FRMD4B: variants seen among roughly 807,000 people sequenced by gnomAD.
FRMD4B encodes FERM domain containing 4B.
In FRMD4B, 74 loss-of-function variants were observed where a neutral mutation model predicts 141.5. That is an observed-to-expected ratio of 0.52 (90% CI 0.43 to 0.63). FRMD4B has a LOEUF of 0.63. FRMD4B is among the 30% of genes least tolerant of loss of function. The pLI, the probability that FRMD4B is intolerant of heterozygous loss-of-function variation, is 0.00. For missense variants in FRMD4B, 1,366 were observed against 1,253.4 expected, an observed-to-expected ratio of 1.09 and a Z score of -1.36; for synonymous variants, 506 against 467.9, an observed-to-expected ratio of 1.08 and a Z score of -1.05.
intron 7 of FRMD4B, among the ~76,000 whole-genome samples, chr3:69,242,948 C>G (rs373619904): frequency 1.2e-4 from 17 of 147,366 alleles, no homozygotes; most frequent in Non-Finnish European, 2.4e-4. Flanking sequence ...GAGCCGAGAT[C>G]GCACTACTGC....
chr3:69,208,959 C>T (rs113039134), intron 11 of FRMD4B, among the ~76,000 whole-genome samples: 32 of 152,204 alleles, frequency 2.1e-4, no homozygotes, highest in African/African-American at 6.7e-4. Flanking sequence ...GCCTGGCCAA[C>T]GTGGTGAAAC....
At chr3:69,505,154 G>A (rs1706575164) in intron 1 of FRMD4B, among the ~76,000 whole-genome samples, 1 of 152,086 alleles carries the variant, frequency 6.6e-6, no homozygotes, top group Non-Finnish European at 1.5e-5. Context: ...AGGATTGCTT[G>A]AGGCCTGGAG....
intron 1 of FRMD4B, among the ~76,000 whole-genome samples, chr3:69,461,210 G>C (rs564837958): frequency 6.6e-6 from 1 of 152,158 alleles, no homozygotes; most frequent in East Asian, 1.9e-4. Context: ...ATCTCTTTTA[G>C]GCAATAAAGC....
At chr3:69,402,362 T>G (rs1704577532) in intron 2 of FRMD4B, among the ~76,000 whole-genome samples, 1 of 152,222 alleles carries the variant, frequency 6.6e-6, no homozygotes, top group African/African-American at 2.4e-5. Flanking sequence ...GATGAGAAAC[T>G]GGAGCCTTCA....
chr3:69,210,045 G>A (rs2093060466), intron 11 of FRMD4B, among the ~76,000 whole-genome samples: 1 of 152,156 alleles, frequency 6.6e-6, no homozygotes, highest in Non-Finnish European at 1.5e-5. Context: ...TAATTCATTT[G>A]GCTTTAGGGA....
At chr3:69,473,592 A>G (rs1011892982) in intron 1 of FRMD4B, among the ~76,000 whole-genome samples, 2 of 152,068 alleles carry the variant, frequency 1.3e-5, no homozygotes, top group Admixed American at 1.3e-4. Flanking sequence ...TAATCATCCA[A>G]GTATATATAC....
intron 5 of FRMD4B, among the ~76,000 whole-genome samples, chr3:69,281,991 C>T (rs149170792): frequency 8.4e-4 from 128 of 152,052 alleles, no homozygotes; most frequent in African/African-American, 2.8e-3. Context: ...TTCTCTATGC[C>T]GTATGGGCAA....
intron 1 of FRMD4B, among the ~76,000 whole-genome samples, chr3:69,330,751 C>T (rs749034597): frequency 2.0e-5 from 3 of 152,100 alleles, no homozygotes; most frequent in African/African-American, 4.8e-5. Context: ...CCTGTCTCAG[C>T]CTCCCAAAGT....
chr3:69,378,619 G>A (rs1247517640), intron 1 of FRMD4B, among the ~76,000 whole-genome samples: 1 of 152,062 alleles, frequency 6.6e-6, no homozygotes, highest in Non-Finnish European at 1.5e-5. Context: ...TTGCCTTACT[G>A]CTTCCCTATG....
chr3:69,381,427 T>C (rs926111055), intron 1 of FRMD4B, among the ~76,000 whole-genome samples: 1 of 152,202 alleles, frequency 6.6e-6, no homozygotes, highest in African/African-American at 2.4e-5. Flanking sequence ...AATGGATACC[T>C]CCCTTCCCAC....
At chr3:69,318,658 G>T (rs779610904) in intron 1 of FRMD4B, among the ~76,000 whole-genome samples, 2 of 152,202 alleles carry the variant, frequency 1.3e-5, no homozygotes, top group African/African-American at 4.8e-5. Flanking sequence ...CAACAGAAAG[G>T]CCTGCCCTTG....
intron 1 of FRMD4B, among the ~76,000 whole-genome samples, chr3:69,496,390 G>T (rs924271880): frequency 6.6e-6 from 1 of 152,076 alleles, no homozygotes; most frequent in Non-Finnish European, 1.5e-5. Flanking sequence ...TCAAAACACT[G>T]AACCCTCTGG....
intron 1 of FRMD4B, among the ~76,000 whole-genome samples, chr3:69,495,668 C>T (rs546642708): frequency 2.0e-5 from 3 of 152,264 alleles, no homozygotes; most frequent in African/African-American, 7.2e-5. Context: ...TGGCACCTCA[C>T]TCTTAGGTTG....
intron 4 of FRMD4B, among the ~76,000 whole-genome samples, chr3:69,288,565 G>C (rs948499005): frequency 2.6e-5 from 4 of 152,224 alleles, no homozygotes; most frequent in Admixed American, 6.5e-5. Context: ...GCTCCCGGGT[G>C]GGGAGGAGGC....
At chr3:69,255,722 T>G (rs756512947) in intron 5 of FRMD4B, among the ~76,000 whole-genome samples, 6 of 152,016 alleles carry the variant, frequency 3.9e-5, no homozygotes, top group Non-Finnish European at 7.4e-5. Flanking sequence ...TGGGGGAGGA[T>G]GGAAACTGCT....
At chr3:69,317,376 T>C (rs140695283) in intron 1 of FRMD4B, among the ~76,000 whole-genome samples, 3 of 152,212 alleles carry the variant, frequency 2.0e-5, no homozygotes, top group African/African-American at 7.2e-5. Flanking sequence ...AACTTGGTTG[T>C]TTATGGGCAG....
At chr3:69,436,677 G>T (rs955787890) in intron 1 of FRMD4B, among the ~76,000 whole-genome samples, 1 of 152,102 alleles carries the variant, frequency 6.6e-6, no homozygotes, top group Non-Finnish European at 1.5e-5. Flanking sequence ...AATTACCAAA[G>T]GTGGAAACAA....
At chr3:69,339,843 C>T (rs562750727) in intron 1 of FRMD4B, among the ~76,000 whole-genome samples, 11 of 152,088 alleles carry the variant, frequency 7.2e-5, no homozygotes, top group Non-Finnish European at 1.6e-4. Flanking sequence ...ATCTCACAGG[C>T]ATGCAAAGTC....
At chr3:69,242,444 C>T (rs1174006683) in intron 7 of FRMD4B, among the ~76,000 whole-genome samples, 1 of 147,434 alleles carries the variant, frequency 6.8e-6, no homozygotes, top group Non-Finnish European at 1.5e-5. Context: ...TCCAGGGCAT[C>T]CAAAGAAATT....
Sources: gnomAD v4.1 joint callset for allele counts (sites outside exome capture counted in the v4.1 genomes callset) on GRCh38, gnomAD v4.1.1 for gene constraint, MANE v1.5 for transcripts, NCBI Gene and HGNC (gene_info 2026-07-23, HGNC 2026-07-21) for gene names.